The following DNAH8 variants were observed in gnomAD, a reference collection of about 807,000 sequenced individuals.
The protein encoded by DNAH8 is axonemal beta dynein heavy chain 8.
In DNAH8, 382 loss-of-function variants were observed where a neutral mutation model predicts 562.1. That is an observed-to-expected ratio of 0.68 (90% CI 0.63 to 0.74). DNAH8 has a LOEUF of 0.74. Among genes scored for constraint, DNAH8 ranks in the 30% least tolerant of loss-of-function variants. The pLI is 0.00. For missense variants in DNAH8, 5,203 were observed against 5,620.4 expected, an observed-to-expected ratio of 0.93 and a Z score of 2.37; for synonymous variants, 1,881 against 1,919.4, an observed-to-expected ratio of 0.98 and a Z score of 0.52.
At chr6:38,934,881 T>C (rs778057079) in intron 76 of DNAH8, among the ~76,000 whole-genome samples, 17 of 152,198 alleles carry the variant, frequency 1.1e-4, no homozygotes, top group Non-Finnish European at 2.1e-4. Flanking sequence ...TATAGAGATA[T>C]AGTGATAAAG....
chr6:39,018,923 G>T (rs916285106), intron 91 of DNAH8, among the ~76,000 whole-genome samples: 24 of 152,222 alleles, frequency 1.6e-4, no homozygotes, highest in Non-Finnish European at 2.4e-4. Flanking sequence ...CTGATTTGGG[G>T]GTGTGTGAGT....
At chr6:39,019,143 G>A (rs947541952) in intron 91 of DNAH8, among the ~76,000 whole-genome samples, 1 of 152,148 alleles carries the variant, frequency 6.6e-6, no homozygotes, top group Admixed American at 6.5e-5. Flanking sequence ...TGGGAGGAAT[G>A]AAGGAGGGAG....
intron 76 of DNAH8, among the ~76,000 whole-genome samples, chr6:38,934,496 T>C (rs1782799935): frequency 6.6e-6 from 1 of 152,112 alleles, no homozygotes; most frequent in Non-Finnish European, 1.5e-5. Flanking sequence ...TTTTTGAAAA[T>C]GATGAAATTT....
At chr6:38,930,681 G>A (rs1224834184) in intron 75 of DNAH8, among the ~76,000 whole-genome samples, 1 of 152,046 alleles carries the variant, frequency 6.6e-6, no homozygotes, top group Non-Finnish European at 1.5e-5. Flanking sequence ...GGATATTATG[G>A]ACTCATCCAC....
intron 48 of DNAH8, 44 bp from the exon 49 acceptor site, chr6:38,870,357 T>G: frequency 6.3e-7 from 1 of 1,582,606 alleles, no homozygotes; most frequent in South Asian, 1.1e-5. Context: ...GATAAATGTT[T>G]GTTGACTGAA....
At position 38,853,345 on chromosome 6, in the gene DNAH8, C is replaced by T. The variant is rs1319405667; in HGVS notation, c.5731C>T (p.Gln1911Ter). 6.8e-6 allele frequency: 11 copies of T among 1,612,510 alleles called. No individual in the cohort carries two copies. Among genetic ancestry groups the T allele is most frequent in the Non-Finnish European group, 9.3e-6 (11 of 1,179,400 alleles). ...ACCATTCCTCAGCCACTTTCCAGCA[C>T]AGGTGAGAATACACAATGCTTAAGT... ...LLPFLSHFPA[Q>*]VGLLGIQMLW... The change falls in exon 41 of 93, where the codon CAG becomes TAG. Residue 1911 changes from glutamine to a stop codon, truncating the protein, a stop_gained and splice_region_variant. Coordinates refer to ENST00000327475, the MANE Select transcript of DNAH8 (RefSeq NM_001206927.2). LOFTEE classifies it high-confidence loss of function.
chr6:38,760,115 T>C (rs1766345585), intron 10 of DNAH8, among the ~76,000 whole-genome samples: 1 of 152,234 alleles, frequency 6.6e-6, no homozygotes, highest in Non-Finnish European at 1.5e-5. Flanking sequence ...ACCACTGTTT[T>C]GTGATTCCCA....
At chr6:38,931,658 A>G (rs1002333014) in intron 75 of DNAH8, among the ~76,000 whole-genome samples, 153 bp from the exon 76 acceptor site, 1 of 152,172 alleles carries the variant, frequency 6.6e-6, no homozygotes, top group Non-Finnish European at 1.5e-5. Context: ...AATAGGCTTT[A>G]TTATTTAAGA....
chr6:38,747,384 C>CTTTTTTTTTT (rs55729629), intron 8 of DNAH8, among the ~76,000 whole-genome samples: 2 of 113,774 alleles, frequency 1.8e-5, no homozygotes, highest in African/African-American at 7.2e-5. Context: ...TTTTCTTTTT[C>CTTTTTTTTTT]TTTTTTTTTT....
At chr6:39,025,915 A>T (rs909697639) in intron 91 of DNAH8, among the ~76,000 whole-genome samples, 8 of 152,234 alleles carry the variant, frequency 5.3e-5, no homozygotes, top group Non-Finnish European at 1.2e-4. Flanking sequence ...ATTGAATTGA[A>T]TGCATGGTTT....
intron 22 of DNAH8, 43 bp downstream of exon 22, chr6:38,803,354 A>G (rs759232118): frequency 6.6e-7 from 1 of 1,520,580 alleles, no homozygotes; most frequent in Non-Finnish European, 9.0e-7. Flanking sequence ...AGATCTACAG[A>G]TTCGTTCTTA....
At chr6:38,772,641 T>C (rs1322657363) in intron 12 of DNAH8, among the ~76,000 whole-genome samples, 1 of 152,162 alleles carries the variant, frequency 6.6e-6, no homozygotes, top group Non-Finnish European at 1.5e-5. Context: ...TTTTCTCTTA[T>C]TTTTGGGTTA....
intron 21 of DNAH8, among the ~76,000 whole-genome samples, chr6:38,798,175 G>C (rs1308778076): frequency 6.6e-6 from 1 of 152,138 alleles, no homozygotes; most frequent in Non-Finnish European, 1.5e-5. Context: ...AATGGGTATA[G>C]GGATGCTTTC....
chr6:38,856,327 G>A (rs556606280), intron 41 of DNAH8, among the ~76,000 whole-genome samples: 1 of 152,200 alleles, frequency 6.6e-6, no homozygotes, highest in African/African-American at 2.4e-5. Flanking sequence ...TCACCACTAA[G>A]TCGCATGCCT....
intron 12 of DNAH8, among the ~76,000 whole-genome samples, chr6:38,772,214 G>C (rs1767649376): frequency 6.6e-6 from 1 of 151,886 alleles, no homozygotes; most frequent in Non-Finnish European, 1.5e-5. Flanking sequence ...ATTTTTAGTA[G>C]AGACAGGGTT....
chr6:38,842,482 A>G lies in DNAH8; in HGVS notation c.4581A>G (p.Ala1527=). Residue 1527 remains alanine (A), a synonymous_variant, in exon 34 of 93, where the codon GCA becomes GCG. Coordinates refer to ENST00000327475, the MANE Select transcript of DNAH8 (RefSeq NM_001206927.2). ...ATGTAGATATTGAAAAAATTAATGCAGAACTGCTGGAATTTCAAAACAGGT... is the reference window on the plus strand; with the variant it reads ...ATGTAGATATTGAAAAAATTAATGCGGAACTGCTGGAATTTCAAAACAGGT... ...WGDVDIEKIN[A]ELLEFQNRCR... is the part of the protein sequence containing the mutation. 14 of 1,612,124 alleles carry G rather than the reference A, an allele frequency of 8.7e-6. No individual in the cohort carries two copies. The highest frequency in any genetic ancestry group is 1.2e-5 in the Non-Finnish European group (14 of 1,179,506).
chr6:38,951,625 T>G, intron 82 of DNAH8, 105 bp downstream of exon 82: 1 of 984,738 alleles, frequency 1.0e-6, no homozygotes, highest in Non-Finnish European at 1.6e-6. Flanking sequence ...GATGTAAAAC[T>G]GAATTCGAAA....
rs1583028007 is a variant in DNAH8 at position 38,796,324 on chromosome 6, T to G, written c.2901+4650T>G. Among the ~76,000 whole-genome samples, 2 of 152,058 alleles carry G rather than the reference T, an allele frequency of 1.3e-5. 1 individual carries two copies. ...AGCCCCCTCACTTCTCTGCTCCAGG[T>G]TCTAATAACTCCATCCTCATCCCAA... On this transcript the variant is annotated intron_variant, in intron 21 of 92. Transcript: ENST00000327475.
intron 10 of DNAH8, among the ~76,000 whole-genome samples, chr6:38,758,054 A>G (rs900776460): frequency 6.6e-6 from 1 of 152,156 alleles, no homozygotes; most frequent in African/African-American, 2.4e-5. Flanking sequence ...GTTTTTTCCA[A>G]TTCTATGAAG....
Sources: allele counts gnomAD v4.1 joint callset (sites outside exome capture counted in the v4.1 genomes callset), GRCh38; gene constraint gnomAD v4.1.1; transcripts MANE v1.5; gene names NCBI Gene and HGNC (gene_info 2026-07-23, HGNC 2026-07-21).